The following LY75 variants were observed in gnomAD, a reference collection of about 807,000 sequenced individuals.
The protein encoded by LY75 is lymphocyte antigen 75.
LY75 carries 185 observed loss-of-function variants against 231.7 expected under a neutral mutation model. The observed-to-expected ratio is 0.80, with a 90% CI of 0.71 to 0.90. The LOEUF (loss-of-function observed/expected upper bound fraction) is 0.90. Ranked by LOEUF, LY75 falls within the 40% of genes least tolerant of loss-of-function variation. The pLI is 0.00. For missense variants in LY75, 1,947 were observed against 2,050.2 expected, an observed-to-expected ratio of 0.95 and a Z score of 0.97; for synonymous variants, 668 against 689.0, an observed-to-expected ratio of 0.97 and a Z score of 0.48.
At chr2:159,855,101 T>G (rs183836088) in intron 16 of LY75, 162 bp from the exon 17 acceptor site, 96 of 362,506 alleles carry the variant, frequency 2.6e-4, no homozygotes, top group Non-Finnish European at 2.3e-4. Flanking sequence ...TTGTATTTTG[T>G]AGGGCCGATG....
intron 24 of LY75, 63 bp from the exon 25 acceptor site, chr2:159,841,018 C>G: frequency 6.3e-7 from 1 of 1,579,474 alleles, no homozygotes. Flanking sequence ...AGTTATGGGA[C>G]ATTTTTTTCA....
chr2:159,850,511 G>A lies in LY75; in HGVS notation c.2884-44C>T, dbSNP rs771241184. 1.9e-6 allele frequency: 3 copies of A among 1,609,514 alleles called. No individual in the cohort carries two copies. In the African/African-American group the frequency reaches 4.0e-5, roughly 22 times the overall value. On this transcript the variant is annotated intron_variant, in intron 21 of 34. Transcript: ENST00000263636. The stretch of plus-strand genomic sequence containing the variant: ...GTGAAGCATGAGATTCCAGACACAG[G>A]AACGCTCACATAGGAAGTAAAATGC...
At chr2:159,880,405 T>C (rs963576417) in intron 8 of LY75, among the ~76,000 whole-genome samples, 1 of 152,174 alleles carries the variant, frequency 6.6e-6, no homozygotes, top group Admixed American at 6.5e-5. Flanking sequence ...AATCTGAACA[T>C]GAATTTGGAA....
intron 28 of LY75, among the ~76,000 whole-genome samples, chr2:159,827,134 C>T (rs947186453): frequency 6.6e-6 from 1 of 152,180 alleles, no homozygotes; most frequent in African/African-American, 2.4e-5. Flanking sequence ...TAAAGAGCTT[C>T]TGCATAGCAA....
intron 25 of LY75, among the ~76,000 whole-genome samples, chr2:159,839,078 G>T (rs376637416): frequency 6.6e-6 from 1 of 152,220 alleles, no homozygotes; most frequent in Non-Finnish European, 1.5e-5. Context: ...TTACAGGCAT[G>T]AGCCACCATG....
intron 23 of LY75, among the ~76,000 whole-genome samples, chr2:159,847,384 G>A (rs1328900081): frequency 6.6e-6 from 1 of 151,874 alleles, no homozygotes; most frequent in Admixed American, 6.6e-5. Flanking sequence ...CACATGGGAG[G>A]GCAGTGTTGC....
chr2:159,879,280 A>T lies in LY75; in HGVS notation c.1494T>A (p.Asp498Glu). The stretch of plus-strand genomic sequence containing the variant: ...CTACCTCATCTGGAGGACACATCTT[A>T]TCAGAACTTGCGTCATTCAGTTTTT... ...KGEKLNDASS[D>E]KMCPPDEGWK... Residue 498 changes from aspartate (D) to glutamate (E), a missense_variant, in exon 9 of 35, where the codon GAT becomes GAA. Physicochemically the swap from Asp to Glu is conservative, Grantham distance 45. Transcript: ENST00000263636. 2 of 1,613,644 alleles carry T rather than the reference A, an allele frequency of 1.2e-6. No individual in the cohort carries two copies. The highest frequency in any genetic ancestry group is 4.5e-5 in the East Asian group (2 of 44,850).
intron 1 of LY75, among the ~76,000 whole-genome samples, chr2:159,899,976 G>A (rs536532671): frequency 1.3e-5 from 2 of 152,340 alleles, no homozygotes; most frequent in East Asian, 3.9e-4. Flanking sequence ...GAAAGCCTGG[G>A]GGGATTGACA....
At chr2:159,883,397 CT>C (rs557200442) in intron 6 of LY75, among the ~76,000 whole-genome samples, 8 of 145,768 alleles carry the variant, frequency 5.5e-5, no homozygotes, top group Admixed American at 1.5e-4. Flanking sequence ...CTTTAATATT[CT>C]GAAATAGCAT....
At chr2:159,860,517 C>A (rs1025123810) in intron 15 of LY75, among the ~76,000 whole-genome samples, 5 of 152,160 alleles carry the variant, frequency 3.3e-5, no homozygotes, top group African/African-American at 1.2e-4. Context: ...GTTCAAGTCC[C>A]ACCTCTTCCT....
intron 23 of LY75, among the ~76,000 whole-genome samples, chr2:159,843,342 T>C (rs1684100797): frequency 6.6e-6 from 1 of 152,082 alleles, no homozygotes; most frequent in African/African-American, 2.4e-5. Flanking sequence ...TTAAATACCA[T>C]AAGCAACTTT....
chr2:159,903,980 C>T (rs1686156849), intron 1 of LY75, among the ~76,000 whole-genome samples: 1 of 152,224 alleles, frequency 6.6e-6, no homozygotes, highest in Non-Finnish European at 1.5e-5. Flanking sequence ...GCTGATAAAC[C>T]AATGAGAAGA....
Position 159,875,681 on chromosome 2 carries a change from C to T in LY75, c.1775-38G>A, listed in dbSNP as rs371081105. On this transcript the variant is annotated intron_variant, in intron 11 of 34. Coordinates refer to ENST00000263636, the MANE Select transcript of LY75 (RefSeq NM_002349.4). ...TGGAAAGCTCAATTAAAAATTAAAA[C>T]GTTAAAGTTCAAACATTTTCTAGTG... 21 of 1,606,528 alleles carry T rather than the reference C, an allele frequency of 1.3e-5. No homozygotes were observed. The Admixed American group carries it at 1.4e-4, about 10-fold the overall frequency.
In LY75 at chr2:159,864,820, CAAT is replaced by C. The variant is rs781408301; in HGVS notation, c.2199+16_2199+18del. On this transcript the variant is annotated intron_variant, in intron 14 of 34. Coordinates refer to ENST00000263636, the MANE Select transcript of LY75 (RefSeq NM_002349.4). ...AACAGTGTTTCCATACTACCTAAAA[CAAT>C]AACGTTTTAACTTACTGGTGTACGA... 6 of 1,561,182 alleles carry C rather than the reference CAAT, an allele frequency of 3.8e-6. No individual in the cohort carries two copies. Among genetic ancestry groups the C allele is most frequent in the Non-Finnish European group, 4.3e-6 (5 of 1,156,802 alleles).
At chr2:159,890,950 T>C (rs1266097473) in intron 3 of LY75, among the ~76,000 whole-genome samples, 3 of 152,178 alleles carry the variant, frequency 2.0e-5, no homozygotes, top group African/African-American at 7.2e-5. Context: ...TGTGTGTATA[T>C]ATGTGCATAG....
At chr2:159,836,267 C>T (rs1160992750) in intron 25 of LY75, among the ~76,000 whole-genome samples, 1 of 152,140 alleles carries the variant, frequency 6.6e-6, no homozygotes, top group Admixed American at 6.5e-5. Context: ...AGCCCGCAAC[C>T]CAGGGGCTAG....
chr2:159,877,009 CAAAAAAAAAAAA>C (rs58831835), intron 11 of LY75, among the ~76,000 whole-genome samples: 1 of 90,528 alleles, frequency 1.1e-5, no homozygotes, highest in African/African-American at 4.4e-5. Context: ...AACTCCATCT[CAAAAAAAAAAAA>C]AAAAAAAAAA....
rs376344907 is a variant in LY75, at chr2:159,816,595, C to T, written c.4380+211G>A. Among the ~76,000 whole-genome samples the T allele has an allele frequency of 2.6e-5, 4 of 152,272 alleles. No homozygotes were observed. In the East Asian group the frequency reaches 5.8e-4, roughly 22 times the overall value. On this transcript the variant is annotated intron_variant, in intron 30 of 34. Coordinates refer to ENST00000263636, the MANE Select transcript of LY75 (RefSeq NM_002349.4). ...TGTTGAGATAGTCATCCACTGGGCC[C>T]TTGGGATGGCCTGATCATTTGTCCT...
chr2:159,836,352 C>T (rs935627582), intron 25 of LY75, among the ~76,000 whole-genome samples: 1 of 152,180 alleles, frequency 6.6e-6, no homozygotes, highest in African/African-American at 2.4e-5. Flanking sequence ...ACTGTTTTCA[C>T]ACTTGTTGGG....
Sources: allele counts gnomAD v4.1 joint callset (sites outside exome capture counted in the v4.1 genomes callset), GRCh38; gene constraint gnomAD v4.1.1; transcripts MANE v1.5; gene names NCBI Gene and HGNC (gene_info 2026-07-23, HGNC 2026-07-21).